Variants in PIP5KL1 observed in about 807,000 individuals in gnomAD.
PIP5KL1 encodes phosphatidylinositol 4-phosphate 5-kinase-like protein 1.
Under a neutral mutation model 47.6 loss-of-function variants are expected in PIP5KL1, and 45 were observed. The observed-to-expected ratio is 0.94, with a 90% CI of 0.74 to 1.21. The LOEUF is 1.21. Ranked by LOEUF, PIP5KL1 falls within the 50% of genes most tolerant of loss-of-function variation. PIP5KL1 has a pLI of 0.00. For missense variants in PIP5KL1, 577 were observed against 547.6 expected, an observed-to-expected ratio of 1.05 and a Z score of -0.54; for synonymous variants, 256 against 234.6, an observed-to-expected ratio of 1.09 and a Z score of -0.84.
Position 127,927,038 on chromosome 9 carries a change from G to A in PIP5KL1, c.650+115C>T. The A allele has an allele frequency of 2.4e-6, 3 of 1,249,102 alleles. No individual in the cohort carries two copies. The highest frequency in any genetic ancestry group is 3.3e-6 in the Non-Finnish European group (3 of 910,898). 77.4% of individuals were successfully genotyped at this position (1,249,102 alleles called of 1,614,324 possible). A position where few individuals can be genotyped will look rare whatever the true frequency, so the allele number is the denominator to read the frequency against. Reference sequence around the variant, plus strand: ...ACTGTCTCTGACCCACCAGATCTTGGGAACGCCCCTTCTCCTTCCTGGGCC... The same window carrying A: ...ACTGTCTCTGACCCACCAGATCTTGAGAACGCCCCTTCTCCTTCCTGGGCC... On this transcript the variant is annotated intron_variant, in intron 7 of 9. Coordinates refer to ENST00000388747, the MANE Select transcript of PIP5KL1 (RefSeq NM_001135219.2). The surrounding 1 kb of genome is among the most constrained non-coding windows in gnomAD (Gnocchi z 5.5).
intron 9 of PIP5KL1, among the ~76,000 whole-genome samples, chr9:127,924,559 G>T (rs952549517): frequency 1.2e-4 from 18 of 151,166 alleles, no homozygotes; most frequent in African/African-American, 4.9e-5. Context: ...AGGAGGATGA[G>T]GCAGGAGAAT....
In PIP5KL1 at chr9:127,925,960, C is replaced by T. The variant is rs1195377445; in HGVS notation, c.670G>A (p.Glu224Lys). The change falls in exon 8 of 10, where the codon GAG becomes AAG. Residue 224 changes from glutamate to lysine, a missense_variant. Coordinates refer to ENST00000388747, the MANE Select transcript of PIP5KL1 (RefSeq NM_001135219.2). ...GCGGGATCCACCCAGCGGCTCACCT[C>T]GCAGCCTTTGATGTCATACCTGGGT... Reference protein sequence around the residue: ...ISERYDIKGCEVSRWVDPAPE... With the variant: ...ISERYDIKGCKVSRWVDPAPE... 10 of 1,613,556 alleles carry T rather than the reference C, an allele frequency of 6.2e-6. No homozygotes were observed. The highest frequency in any genetic ancestry group is 1.3e-5 in the African/African-American group (1 of 75,052).
rs1326367667 is a variant in PIP5KL1 at position 127,930,605 on chromosome 9, G to A, written c.30+118C>T. Reference sequence around the variant, plus strand: ...TGTGGGGCGTGTCCTGGTCTTCGCCGGCTGCAGGGCCCCTCCCAGGCTTGG... The same window carrying A: ...TGTGGGGCGTGTCCTGGTCTTCGCCAGCTGCAGGGCCCCTCCCAGGCTTGG... On this transcript the variant is annotated intron_variant, in intron 1 of 9. Coordinates refer to ENST00000388747, the MANE Select transcript of PIP5KL1 (RefSeq NM_001135219.2). 8.6e-6 allele frequency: 11 copies of A among 1,273,346 alleles called. No individual in the cohort carries two copies. The South Asian group carries it at 1.6e-4, about 19-fold the overall frequency. 78.9% of individuals were successfully genotyped at this position (1,273,346 alleles called of 1,614,324 possible).
rs539186355 is a variant in PIP5KL1, at chr9:127,928,148, C to T, written c.351G>A (p.Glu117=). 12 of 1,543,962 alleles carry T rather than the reference C, an allele frequency of 7.8e-6. No homozygotes were observed. Among genetic ancestry groups the T allele is most frequent in the Non-Finnish European group, 9.6e-6 (11 of 1,145,608 alleles). The change falls in exon 4 of 10, where the codon GAG becomes GAA. Residue 117 remains glutamate, a synonymous_variant. Transcript: ENST00000388747. ...CGGGGCCCAGGGCAGCCTGATAGTCCTCCTCCGCCAGGCCCAGGGAGCGGC... is the reference window on the plus strand; with the variant it reads ...CGGGGCCCAGGGCAGCCTGATAGTCTTCCTCCGCCAGGCCCAGGGAGCGGC... ...WLRRSLGLAE[E]DYQAALGPGG... is the part of the protein sequence containing the mutation.
intron 7 of PIP5KL1, 24 bp from the exon 8 acceptor site, chr9:127,926,003 C>T: frequency 6.5e-7 from 1 of 1,548,826 alleles, no homozygotes; most frequent in Middle Eastern, 1.7e-4. Flanking sequence ...CAGAATTCAG[C>T]TTTACATAGA....
In PIP5KL1 at chr9:127,925,857, C is replaced by T. The variant is rs778078586; in HGVS notation, c.763+10G>A. 12 of 1,608,428 alleles carry T rather than the reference C, an allele frequency of 7.5e-6. No homozygotes were observed. Among genetic ancestry groups the T allele is most frequent in the South Asian group, 6.6e-5 (6 of 91,016 alleles). ...AGGAGGAACAGGCAGTGGCCACCCC[C>T]GTGGCTCACCCAGGTTGATGGTCTT... On this transcript the variant is annotated intron_variant, in intron 8 of 9. Coordinates refer to ENST00000388747, the MANE Select transcript of PIP5KL1 (RefSeq NM_001135219.2).
chr9:127,928,635 T>A, intron 2 of PIP5KL1, 152 bp from the exon 3 acceptor site: 1 of 814,950 alleles, frequency 1.2e-6, no homozygotes, highest in Non-Finnish European at 1.9e-6. Flanking sequence ...AGTGCCTGAG[T>A]TGGGCAGATG....
intron 9 of PIP5KL1, among the ~76,000 whole-genome samples, chr9:127,923,636 A>C (rs564431926): frequency 2.0e-5 from 3 of 152,310 alleles, no homozygotes; most frequent in African/African-American, 7.2e-5. Context: ...CAGTGACTCC[A>C]AATTCTACCC....
chr9:127,929,740 A>G lies in PIP5KL1; in HGVS notation c.176T>C (p.Met59Thr). Residue 59 changes from methionine (M) to threonine (T), a missense_variant, in exon 2 of 10, where the codon ATG (methionine) becomes ACG (threonine). Transcript: ENST00000388747. The surrounding 1 kb of genome is among the most constrained non-coding windows in gnomAD (Gnocchi z 4.0). ...GHELHGMTCM[M>T]QAGLWAATQV... ...GGTGGCAGCCCACAGCCCTGCCTGC[A>G]TCATGCACGTCATCCCATGCAGTTC... 6.3e-7 allele frequency: 1 copy of G among 1,587,080 alleles called. No homozygotes were observed.
rs1831280221 is a variant in PIP5KL1 at position 127,921,572 on chromosome 9, G to C, written c.*275C>G. Reference sequence around the variant, plus strand: ...ATTTATTGCTGAATGATCTTGATCAGTCCCTTCACCCCCTGAGCCTCCATT... The same window carrying C: ...ATTTATTGCTGAATGATCTTGATCACTCCCTTCACCCCCTGAGCCTCCATT... On this transcript the variant is annotated 3_prime_UTR_variant, in exon 10 of 10. Transcript: ENST00000388747. 2 of 468,780 alleles carry C rather than the reference G, an allele frequency of 4.3e-6. No individual in the cohort carries two copies. Among genetic ancestry groups the C allele is most frequent in the East Asian group, 7.5e-5 (2 of 26,686 alleles). 29.0% of individuals were successfully genotyped at this position (468,780 alleles called of 1,614,324 possible).
intron 1 of PIP5KL1, 31 bp downstream of exon 1, chr9:127,930,692 C>T (rs767428925): frequency 1.1e-5 from 17 of 1,547,710 alleles, no homozygotes; most frequent in Admixed American, 1.9e-5. Flanking sequence ...CAACCCTTCC[C>T]TCTCCTGTCC....
chr9:127,927,376 A>T lies in PIP5KL1; in HGVS notation c.560-45T>A. On this transcript the variant is annotated intron_variant, in intron 5 of 9. Coordinates refer to ENST00000388747, the MANE Select transcript of PIP5KL1 (RefSeq NM_001135219.2). The surrounding 1 kb of genome is among the most constrained non-coding windows in gnomAD (Gnocchi z 5.5). Reference sequence around the variant, plus strand: ...CGGATGAGGATCCCCAAACTCCACAACCCGGGGTGCATCCGGCGCCAATCC... The same window carrying T: ...CGGATGAGGATCCCCAAACTCCACATCCCGGGGTGCATCCGGCGCCAATCC... 1 of 1,574,192 alleles carries T rather than the reference A, an allele frequency of 6.4e-7. No individual in the cohort carries two copies. Among genetic ancestry groups the T allele is most frequent in the Non-Finnish European group, 8.6e-7 (1 of 1,164,556 alleles).
chr9:127,922,454 T>C (rs575151611), intron 9 of PIP5KL1, among the ~76,000 whole-genome samples: 1 of 151,934 alleles, frequency 6.6e-6, no homozygotes, highest in Non-Finnish European at 1.5e-5. Flanking sequence ...TCCCAGCACT[T>C]TGGGAGGCCG....
chr9:127,925,085 G>A (rs753600075), intron 9 of PIP5KL1, 22 bp downstream of exon 9: 3 of 1,613,146 alleles, frequency 1.9e-6, no homozygotes, highest in South Asian at 1.1e-5. Flanking sequence ...CAATCTCGCT[G>A]TTGCCCCTGT....
In PIP5KL1 at chr9:127,922,062, G is replaced by A; in HGVS notation, c.970C>T (p.Leu324=). 1.3e-6 allele frequency: 2 copies of A among 1,563,616 alleles called. No homozygotes were observed. The highest frequency in any genetic ancestry group is 1.7e-6 in the Non-Finnish European group (2 of 1,156,144). Reference sequence around the variant, plus strand: ...AGGGCGTTGGGGGCGTCGGGCAGCAGCCGGCGGTTTTGGGCTCTCGACTCT... The same window carrying A: ...AGGGCGTTGGGGGCGTCGGGCAGCAACCGGCGGTTTTGGGCTCTCGACTCT... ...PEESRAQNRR[L]LPDAPNALHI... is the part of the protein sequence containing the mutation. The change falls in exon 10 of 10, where the codon CTG becomes TTG. Residue 324 remains leucine (L), a synonymous_variant. Transcript: ENST00000388747.
At chr9:127,922,215 T>G in intron 9 of PIP5KL1, 101 bp from the exon 10 acceptor site, 11 of 1,332,976 alleles carry the variant, frequency 8.3e-6, no homozygotes, top group Non-Finnish European at 9.9e-6. Flanking sequence ...CACCAGCTCA[T>G]TCCCACACCT....
rs1415182145 is a variant in PIP5KL1, at chr9:127,928,205, G to A, written c.294C>T (p.Gly98=). ...AGGCAAAGGCGGGGCCGGCCAGCGTGCCCAGCTCGAAGCCCTGCAGGGGAG... is the reference window on the plus strand; with the variant it reads ...AGGCAAAGGCGGGGCCGGCCAGCGTACCCAGCTCGAAGCCCTGCAGGGGAG... ...LTQVHEGFEL[G]TLAGPAFAWL... The change falls in exon 4 of 10, where the codon GGC becomes GGT. Residue 98 remains glycine, a synonymous_variant. Coordinates refer to ENST00000388747, the MANE Select transcript of PIP5KL1 (RefSeq NM_001135219.2). The A allele has an allele frequency of 1.3e-6, 2 of 1,537,498 alleles. No homozygotes were observed. Among genetic ancestry groups the A allele is most frequent in the East Asian group, 4.9e-5 (2 of 40,926 alleles).
rs1432682763 is a variant in PIP5KL1, at chr9:127,927,920, G to C, written c.434+145C>G. The C allele has an allele frequency of 6.8e-7, 1 of 1,460,904 alleles. No individual in the cohort carries two copies. The highest frequency in any genetic ancestry group is 2.5e-5 in the East Asian group (1 of 39,728). The allele number at this position is 1,460,904 out of a possible 1,614,324, so 90.5% of individuals were successfully genotyped here. On this transcript the variant is annotated intron_variant, in intron 4 of 9. Coordinates refer to ENST00000388747, the MANE Select transcript of PIP5KL1 (RefSeq NM_001135219.2). The surrounding 1 kb of genome is among the most constrained non-coding windows in gnomAD (Gnocchi z 5.5). Reference sequence around the variant, plus strand: ...CGGCCCTCGCCCTCCTCTCCTCCCCGATCTGTCCACCATCCGGCCCTGACC... The same window carrying C: ...CGGCCCTCGCCCTCCTCTCCTCCCCCATCTGTCCACCATCCGGCCCTGACC...
intron 1 of PIP5KL1, 107 bp downstream of exon 1, chr9:127,930,616 C>G: frequency 6.0e-6 from 8 of 1,326,800 alleles, no homozygotes; most frequent in Non-Finnish European, 7.9e-6. Flanking sequence ...GCTGCAGGGC[C>G]CCTCCCAGGC....
Sources: allele counts gnomAD v4.1 joint callset (sites outside exome capture counted in the v4.1 genomes callset), GRCh38; gene constraint gnomAD v4.1.1; non-coding constraint Gnocchi (gnomAD v3.1); transcripts MANE v1.5; gene names NCBI Gene and HGNC (gene_info 2026-07-23, HGNC 2026-07-21).